Variants in PARP10 observed in about 807,000 individuals in gnomAD.
PARP10 encodes poly(ADP-ribose) polymerase family member 10.
In PARP10, 56 loss-of-function variants were observed where a neutral mutation model predicts 82.4. The ratio of observed to expected loss-of-function variants is 0.68; its 90% CI spans 0.55 to 0.85. The LOEUF (loss-of-function observed/expected upper bound fraction) is 0.85, where lower values mean the gene tolerates loss of function less well. PARP10 is among the 40% of genes least tolerant of loss of function. The pLI is 0.00. For synonymous variants in PARP10, 576 were observed against 601.1 expected (o/e 0.96, Z 0.61); for missense variants, 1,227 against 1,379.4 (o/e 0.89, Z 1.75).
chr8:143,990,653 C>G (rs1587466207), upstream of PARP10: 3 of 152,304 alleles, frequency 2.0e-5, no homozygotes, highest in South Asian at 6.2e-4. The surrounding 1 kb of genome is among the most constrained non-coding windows in gnomAD (Gnocchi z 5.6). Context: ...CCCCCCACCC[C>G]GGAGCCAGGG....
upstream of PARP10, chr8:143,992,163 C>G (rs1554750635): frequency 1.9e-6 from 3 of 1,600,590 alleles, no homozygotes; most frequent in African/African-American, 4.0e-5. Context: ...CACCGTGGTT[C>G]TCCTTGTGCT....
At chr8:144,007,948 T>C (rs1554752189) in intron 1 of PARP10, among the ~76,000 whole-genome samples, 1 of 152,154 alleles carries the variant, frequency 6.6e-6, no homozygotes, top group African/African-American at 2.4e-5. Context: ...AAGCGCTCAA[T>C]AATGTCAGCT....
At chr8:143,987,580 C>A (rs1490115929), upstream of PARP10, among the ~76,000 whole-genome samples, 3 of 152,314 alleles carry the variant, frequency 2.0e-5, no homozygotes, top group East Asian at 3.9e-4. Flanking sequence ...CAGCTCCCAG[C>A]ATCAGCAACA....
At chr8:143,978,339 C>G (rs375715489) in intron 9 of PARP10, among the ~76,000 whole-genome samples, 1 of 152,174 alleles carries the variant, frequency 6.6e-6, no homozygotes, top group Non-Finnish European at 1.5e-5. Context: ...CCCACCCACT[C>G]AAGCGAGGCC....
intron 1 of PARP10, among the ~76,000 whole-genome samples, chr8:144,007,845 C>T (rs782691624): frequency 6.6e-6 from 1 of 152,214 alleles, no homozygotes; most frequent in Non-Finnish European, 1.5e-5. Flanking sequence ...AGGTACTTGA[C>T]ATGGCCATGA....
chr8:143,982,923 T>C lies in PARP10; in HGVS notation c.2556+9A>G. 1.2e-6 allele frequency: 2 copies of C among 1,613,214 alleles called. No homozygotes were observed. The highest frequency in any genetic ancestry group is 8.5e-7 in the Non-Finnish European group (1 of 1,179,894). Reference sequence around the variant, plus strand: ...GCCATGAGGCCAGAGAGACAGGGCATGGACTCACACGAACGACGCGGATGC... The same window carrying C: ...GCCATGAGGCCAGAGAGACAGGGCACGGACTCACACGAACGACGCGGATGC... On this transcript the variant is annotated intron_variant, in intron 9 of 10. Coordinates refer to ENST00000313028, the MANE Select transcript of PARP10 (RefSeq NM_032789.5).
chr8:143,989,728 G>T (rs916403631), upstream of PARP10: 1 of 152,266 alleles, frequency 6.6e-6, no homozygotes, highest in African/African-American at 2.4e-5. The surrounding 1 kb of genome is among the most constrained non-coding windows in gnomAD (Gnocchi z 4.3). Flanking sequence ...TGATTTGGGA[G>T]AGATCTGGAT....
At chr8:143,982,332 G>T (rs1423863837) in intron 9 of PARP10, among the ~76,000 whole-genome samples, 1 of 152,172 alleles carries the variant, frequency 6.6e-6, no homozygotes, top group Non-Finnish European at 1.5e-5. Context: ...AAATTAGCCG[G>T]GCGTGGTGGC....
intron 9 of PARP10, 114 bp downstream of exon 9, chr8:143,982,818 C>G: frequency 6.7e-7 from 1 of 1,487,576 alleles, no homozygotes; most frequent in Non-Finnish European, 9.1e-7. Context: ...CCTGTCAGCT[C>G]CTGGTCAGCT....
intron 9 of PARP10, 38 bp from the exon 10 acceptor site, chr8:143,978,119 C>T: frequency 6.8e-7 from 1 of 1,460,886 alleles, no homozygotes; most frequent in Non-Finnish European, 9.0e-7. Context: ...AACACCCTCC[C>T]TACGCCCTGG....
upstream of PARP10, among the ~76,000 whole-genome samples, chr8:143,996,061 T>C (rs1834162530): frequency 2.0e-5 from 3 of 152,046 alleles, 1 homozygote; most frequent in South Asian, 4.1e-4. Flanking sequence ...CCCAGATTAC[T>C]CAAGCCAAAT....
chr8:143,983,625 G>A lies in PARP10; in HGVS notation c.1964C>T (p.Ala655Val), dbSNP rs782642192. Reference protein sequence around the residue: ...VAPRWLEEEAALQLALHRSLE... With the variant: ...VAPRWLEEEAVLQLALHRSLE... Reference sequence around the variant, plus strand: ...TGACCGGTGGAGGGCCAGCTGCAGAGCGGCCTCCTCCTCCAGCCACCTGGG... The same window carrying A: ...TGACCGGTGGAGGGCCAGCTGCAGAACGGCCTCCTCCTCCAGCCACCTGGG... The change falls in exon 8 of 11, where the codon GCT becomes GTT. Residue 655 changes from alanine to valine, a missense_variant. Coordinates refer to ENST00000313028, the MANE Select transcript of PARP10 (RefSeq NM_032789.5). 3.1e-5 allele frequency: 49 copies of A among 1,604,542 alleles called. No homozygotes were observed. Among genetic ancestry groups the A allele is most frequent in the Non-Finnish European group, 2.6e-6 (3 of 1,175,622 alleles).
rs1554748354 is a variant in PARP10, at chr8:143,983,664, G to A, written c.1925C>T (p.Pro642Leu). Residue 642 changes from proline to leucine, a missense_variant, in exon 8 of 11, where the codon CCC (proline) becomes CTC (leucine). Physicochemically the swap from Pro to Leu is moderately conservative, Grantham distance 98. Transcript: ENST00000313028. ...PGHEEEEPVA[P>L]STVAPRWLEE... ...CAGCCACCTGGGTGCCACAGTGCTGGGGGCCACAGGCTCCTCCTCCTCATG... is the reference window on the plus strand; with the variant it reads ...CAGCCACCTGGGTGCCACAGTGCTGAGGGCCACAGGCTCCTCCTCCTCATG... The A allele has an allele frequency of 6.2e-7, 1 of 1,608,638 alleles. No homozygotes were observed. Among genetic ancestry groups the A allele is most frequent in the East Asian group, 2.2e-5 (1 of 44,750 alleles).
rs140553116 is a variant in PARP10 at position 144,003,221 on chromosome 8, G to C, written c.-80+9309C>G. ...GTGGATCACTTGAGGTCAGGAGTTT[G>C]AGATCAGCCTGGCCAATAAGGTGAA... On this transcript the variant is annotated intron_variant, in intron 1 of 3. Coordinates refer to the PARP10 transcript ENST00000530478. 8.7e-4 allele frequency among the ~76,000 whole-genome samples: 132 copies of C among 152,106 alleles called. 1 individual carries two copies. Among genetic ancestry groups the C allele is most frequent in the African/African-American group, 3.1e-3 (127 of 41,492 alleles).
upstream of PARP10, chr8:143,986,668 G>A: frequency 1.8e-6 from 1 of 551,002 alleles, no homozygotes; most frequent in Non-Finnish European, 3.3e-6. Context: ...TGGTTGGCAG[G>A]GTAGACAGGA....
chr8:143,991,537 C>T, upstream of PARP10: 2 of 1,532,844 alleles, frequency 1.3e-6, no homozygotes, highest in East Asian at 2.3e-5. Flanking sequence ...GGGCCATATC[C>T]CCAGAGCCCC....
chr8:143,996,938 A>T (rs1409362446), intron 1 of PARP10, among the ~76,000 whole-genome samples: 2 of 151,978 alleles, frequency 1.3e-5, no homozygotes, highest in Non-Finnish European at 2.9e-5. Context: ...ATCAGTGAAG[A>T]CTATGGTGAT....
chr8:144,012,242 C>T (rs1213214501), intron 1 of PARP10, among the ~76,000 whole-genome samples: 1 of 152,212 alleles, frequency 6.6e-6, no homozygotes, highest in Non-Finnish European at 1.5e-5. Context: ...GAAGAGGCAC[C>T]ATGAGGGTGA....
upstream of PARP10, chr8:143,991,555 C>T (rs782511266): frequency 3.2e-6 from 5 of 1,584,422 alleles, no homozygotes; most frequent in African/African-American, 6.8e-5. Context: ...CCCTTCCCCC[C>T]CAACCCCTAT....
Sources: gnomAD v4.1 joint callset for allele counts (sites outside exome capture counted in the v4.1 genomes callset) on GRCh38, gnomAD v4.1.1 for gene constraint, Gnocchi (gnomAD v3.1) non-coding constraint, MANE v1.5 for transcripts, NCBI Gene and HGNC (gene_info 2026-07-23, HGNC 2026-07-21) for gene names.